Variants in KDM6A observed in about 807,000 individuals in gnomAD.
The protein encoded by KDM6A is lysine-specific demethylase 6A.
In KDM6A, 11 loss-of-function variants were observed where a neutral mutation model predicts 117.6. That is an observed-to-expected ratio of 0.09 (90% CI 0.06 to 0.15). KDM6A has a LOEUF of 0.15. KDM6A is among the 10% of genes least tolerant of loss of function. KDM6A has a pLI of 1.00. For missense variants in KDM6A, 799 were observed against 1,077.3 expected, an observed-to-expected ratio of 0.74 and a Z score of 3.62; for synonymous variants, 384 against 396.1, an observed-to-expected ratio of 0.97 and a Z score of 0.36.
chrX:45,044,475 A>T (rs2043437841), intron 8 of KDM6A, among the ~76,000 whole-genome samples: 1 of 111,669 alleles, frequency 9.0e-6, no homozygotes, highest in Admixed American at 9.5e-5. Context: ...GAAAGAATAC[A>T]CAGTGAAGTA....
chrX:44,955,134 G>A (rs997097689), intron 2 of KDM6A, among the ~76,000 whole-genome samples: 2 of 111,817 alleles, frequency 1.8e-5, no homozygotes, highest in Admixed American at 1.9e-4. Context: ...AGAGTTAAAA[G>A]ATTTCTTCTT....
intron 4 of KDM6A, among the ~76,000 whole-genome samples, chrX:44,998,692 TAG>T (rs1158970086): frequency 9.0e-6 from 1 of 111,700 alleles, no homozygotes; most frequent in Non-Finnish European, 1.9e-5. Context: ...GTTTGTGAAT[TAG>T]AGTCATGATA....
chrX:45,016,475 AT>A (rs2041969490), intron 5 of KDM6A, among the ~76,000 whole-genome samples: 1 of 108,718 alleles, frequency 9.2e-6, no homozygotes, highest in African/African-American at 3.4e-5. Flanking sequence ...GTATGTATGT[AT>A]GTATGTATGT....
intron 2 of KDM6A, among the ~76,000 whole-genome samples, chrX:44,927,309 G>T (rs1363285380): frequency 9.0e-6 from 1 of 110,906 alleles, no homozygotes; most frequent in Non-Finnish European, 1.9e-5. Flanking sequence ...GCAGTTGGTT[G>T]AGTCCATGGA....
In KDM6A at chrX:44,989,464, A is replaced by G. The variant is rs1028291203; in HGVS notation, c.384+14749A>G. ...GATGAACCCAGTACCTCAGTTGGAAATGCAGAAATCACCTGTCTTCTGTGT... is the reference window on the plus strand; with the variant it reads ...GATGAACCCAGTACCTCAGTTGGAAGTGCAGAAATCACCTGTCTTCTGTGT... On this transcript the variant is annotated intron_variant, in intron 4 of 29. Coordinates refer to ENST00000611820, the MANE Select transcript of KDM6A (RefSeq NM_001291415.2). 3.7e-5 allele frequency among the ~76,000 whole-genome samples: 4 copies of G among 109,309 alleles called. No homozygotes were observed. The Admixed American group carries it at 3.9e-4, about 11-fold the overall frequency. 94.9% of individuals were successfully genotyped at this position (109,309 alleles called of 115,157 possible). A position where few individuals can be genotyped will look rare whatever the true frequency, so the allele number is the denominator to read the frequency against.
At chrX:45,096,532 G>A (rs1039258300) in intron 27 of KDM6A, among the ~76,000 whole-genome samples, 1 of 111,838 alleles carries the variant, frequency 8.9e-6, no homozygotes, top group African/African-American at 3.2e-5. Flanking sequence ...AGGTTCTTCC[G>A]AAAGAGTGGA....
intron 2 of KDM6A, among the ~76,000 whole-genome samples, chrX:44,886,491 CTTT>C (rs759245220): frequency 5.1e-5 from 5 of 97,545 alleles, no homozygotes; most frequent in African/African-American, 3.8e-5. Flanking sequence ...TACTTACTAT[CTTT>C]TTTTTTTTTT....
chrX:44,953,116 A>G (rs983728590), intron 2 of KDM6A, among the ~76,000 whole-genome samples: 1 of 109,323 alleles, frequency 9.1e-6, no homozygotes, highest in Non-Finnish European at 1.9e-5. Context: ...AGGGTTACAC[A>G]CACATCTGTC....
At chrX:45,035,121 C>G in intron 7 of KDM6A, 136 bp downstream of exon 7, 1 of 543,212 alleles carries the variant, frequency 1.8e-6, no homozygotes, top group South Asian at 2.7e-5. Context: ...GTTGCCATGG[C>G]TACTTACATA....
chrX:44,942,369 C>T (rs1441262317), intron 2 of KDM6A, among the ~76,000 whole-genome samples: 1 of 110,259 alleles, frequency 9.1e-6, no homozygotes, highest in African/African-American at 3.3e-5. Context: ...TGCACATTGT[C>T]AAGAACCAGT....
chrX:44,933,968 A>G (rs984938490), intron 2 of KDM6A, among the ~76,000 whole-genome samples: 5 of 112,695 alleles, frequency 4.4e-5, no homozygotes, highest in African/African-American at 1.6e-4. Context: ...TTAGTTAAAT[A>G]AACAATGTTT....
rs979691160 is a variant in KDM6A, at chrX:44,961,222, G to A, written c.226-62G>A. ...AATGGAGGCTATATGCATTATCTTG[G>A]GGAGGAAATGTATTTTAGGGCTTTA... On this transcript the variant is annotated intron_variant, in intron 2 of 29. Coordinates refer to ENST00000611820, the MANE Select transcript of KDM6A (RefSeq NM_001291415.2). 28 of 812,237 alleles carry A rather than the reference G, an allele frequency of 3.4e-5. No individual in the cohort carries two copies. The African/African-American group carries it at 4.5e-4, about 13-fold the overall frequency. The allele number at this position is 812,237 out of a possible 1,213,427, so 66.9% of individuals were successfully genotyped here. A position where few individuals can be genotyped will look rare whatever the true frequency, so the allele number is the denominator to read the frequency against.
At chrX:45,021,360 T>C (rs1433817603) in intron 6 of KDM6A, among the ~76,000 whole-genome samples, 2 of 111,924 alleles carry the variant, frequency 1.8e-5, no homozygotes, top group African/African-American at 6.5e-5. Context: ...GGGCTTTTTC[T>C]GAAAATAGTG....
At chrX:45,002,862 C>CG (rs1491457823) in intron 4 of KDM6A, among the ~76,000 whole-genome samples, 5 of 31,225 alleles carry the variant, frequency 1.6e-4, no homozygotes, top group Non-Finnish European at 2.4e-4. Context: ...CCCCTCCCCG[C>CG]CCCCCCCCCC....
At chrX:44,988,602 TC>T (rs1246635285) in intron 4 of KDM6A, among the ~76,000 whole-genome samples, 1 of 111,637 alleles carries the variant, frequency 9.0e-6, no homozygotes, top group African/African-American at 3.3e-5. Flanking sequence ...GGATGTCCTT[TC>T]TGTTTGTTAG....
At chrX:45,078,970 G>T (rs141393773) in intron 20 of KDM6A, among the ~76,000 whole-genome samples, 176 bp from the exon 21 acceptor site, 2 of 109,901 alleles carry the variant, frequency 1.8e-5, no homozygotes, top group Non-Finnish European at 3.8e-5. Flanking sequence ...GGGCTTCAGC[G>T]TATGGTTCTG....
intron 21 of KDM6A, 40 bp downstream of exon 21, chrX:45,079,391 A>G: frequency 9.8e-7 from 1 of 1,023,207 alleles, no homozygotes; most frequent in Non-Finnish European, 1.4e-6. Context: ...AGGATTTTAA[A>G]GATGATTTTA....
intron 2 of KDM6A, among the ~76,000 whole-genome samples, chrX:44,922,475 TTTTG>T (rs761253350): frequency 3.6e-3 from 405 of 112,003 alleles, no homozygotes; most frequent in Non-Finnish European, 6.2e-3. Context: ...TTGAATTTTT[TTTTG>T]TTTGTTTGAA....
intron 5 of KDM6A, among the ~76,000 whole-genome samples, chrX:45,012,079 C>T (rs759894378): frequency 2.2e-3 from 240 of 110,128 alleles, no homozygotes; most frequent in Non-Finnish European, 3.4e-3. Context: ...TGAGCCCCCA[C>T]GCTGGCATCA....
Sources: gnomAD v4.1 joint callset for allele counts (sites outside exome capture counted in the v4.1 genomes callset) on GRCh38, gnomAD v4.1.1 for gene constraint, MANE v1.5 for transcripts, NCBI Gene and HGNC (gene_info 2026-07-23, HGNC 2026-07-21) for gene names.